Variants in CRYBB1 observed in about 807,000 individuals in gnomAD.
CRYBB1 encodes the protein beta-crystallin B1.
Under a neutral mutation model 29.5 loss-of-function variants are expected in CRYBB1, and 16 were observed. The observed-to-expected ratio is 0.54, with a 90% CI of 0.37 to 0.82. CRYBB1 has a LOEUF of 0.82. Among genes scored for constraint, CRYBB1 ranks in the 40% least tolerant of loss-of-function variants. CRYBB1 has a pLI of 0.00. For synonymous variants in CRYBB1, 127 were observed against 136.7 expected (o/e 0.93, Z 0.49); for missense variants, 300 against 350.5 (o/e 0.86, Z 1.15).
intron 4 of CRYBB1, among the ~76,000 whole-genome samples, chr22:26,606,019 T>G (rs887662521): frequency 1.3e-5 from 2 of 152,232 alleles, no homozygotes; most frequent in Non-Finnish European, 2.9e-5. Flanking sequence ...AGATTTTTTT[T>G]GCAATTGTTT....
At chr22:26,608,643 T>C (rs576861795) in intron 3 of CRYBB1, among the ~76,000 whole-genome samples, 1 of 152,340 alleles carries the variant, frequency 6.6e-6, no homozygotes, top group Non-Finnish European at 1.5e-5. Flanking sequence ...AGGGTTCTTT[T>C]AAAATGTGTT....
At chr22:26,604,330 G>T (rs975467025) in intron 4 of CRYBB1, among the ~76,000 whole-genome samples, 1 of 152,334 alleles carries the variant, frequency 6.6e-6, no homozygotes, top group Non-Finnish European at 1.5e-5. Context: ...TATGTAAAAG[G>T]CAGGTAATAT....
chr22:26,599,480 A>AGGT lies in CRYBB1; in HGVS notation c.*7_*9dup. 1 of 1,604,114 alleles carries AGGT rather than the reference A, an allele frequency of 6.2e-7. No homozygotes were observed. Among genetic ancestry groups the AGGT allele is most frequent in the African/African-American group, 1.3e-5 (1 of 74,838 alleles). ...AGGGTTGGGGCAAGGTAGCAGAGTG[A>AGGT]GGTGTGGACTCACTTGGGGGGCTCT... On this transcript the variant is annotated 3_prime_UTR_variant, in exon 6 of 6. Coordinates refer to ENST00000647684, the MANE Select transcript of CRYBB1 (RefSeq NM_001887.4).
intron 2 of CRYBB1, among the ~76,000 whole-genome samples, chr22:26,612,449 G>A (rs557296847): frequency 2.0e-5 from 3 of 152,062 alleles, no homozygotes; most frequent in Non-Finnish European, 4.4e-5. Flanking sequence ...TGCAACCTCC[G>A]CCTCCCAGGC....
chr22:26,609,481 G>C (rs1264409286), intron 3 of CRYBB1, among the ~76,000 whole-genome samples: 1 of 152,096 alleles, frequency 6.6e-6, no homozygotes, highest in African/African-American at 2.4e-5. Context: ...TGGATGCATG[G>C]ATAAAGGGAT....
In CRYBB1 at chr22:26,601,973, C is replaced by T. The variant is rs749567385; in HGVS notation, c.481G>A (p.Gly161Ser). 5.6e-6 allele frequency: 9 copies of T among 1,613,582 alleles called. No individual in the cohort carries two copies. Among genetic ancestry groups the T allele is most frequent in the Non-Finnish European group, 6.8e-6 (8 of 1,179,914 alleles). ...TCCCCCTGGATCTCTATGGTGTTGC[C>T]CTTGAAGTTGGCCCCTTCAAACAGG... ...ISLFEGANFK[G>S]NTIEIQGDDA... Residue 161 changes from glycine (G) to serine (S), a missense_variant, in exon 5 of 6, where the codon GGC becomes AGC. Gly to Ser is a moderately conservative substitution (Grantham distance 56). Coordinates refer to ENST00000647684, the MANE Select transcript of CRYBB1 (RefSeq NM_001887.4).
chr22:26,611,969 G>C (rs766375559), intron 3 of CRYBB1, 103 bp downstream of exon 3: 3 of 839,524 alleles, frequency 3.6e-6, no homozygotes, highest in Non-Finnish European at 6.2e-6. Context: ...CCAGGAGTAC[G>C]AACGGCCGCA....
Position 26,615,152 on chromosome 22 carries a change from G to A in CRYBB1, c.180+988C>T, listed in dbSNP as rs1478832776. Among the ~76,000 whole-genome samples, 6 of 152,314 alleles carry A rather than the reference G, an allele frequency of 3.9e-5. No homozygotes were observed. In the East Asian group the frequency reaches 7.7e-4, roughly 20 times the overall value. On this transcript the variant is annotated intron_variant, in intron 2 of 5. Coordinates refer to ENST00000647684, the MANE Select transcript of CRYBB1 (RefSeq NM_001887.4). The stretch of plus-strand genomic sequence containing the variant: ...TGCCACGCACTGACCACATGAGAGC[G>A]TGTCATGAACTAGGGGTTGCAAAAT...
intron 4 of CRYBB1, among the ~76,000 whole-genome samples, chr22:26,605,956 A>G (rs545546300): frequency 6.6e-6 from 1 of 152,326 alleles, no homozygotes; most frequent in South Asian, 2.1e-4. Context: ...GTGGCTCAGG[A>G]TGGCTTTGAA....
At chr22:26,601,321 G>T (rs1209510240) in intron 5 of CRYBB1, among the ~76,000 whole-genome samples, 1 of 152,114 alleles carries the variant, frequency 6.6e-6, no homozygotes, top group Non-Finnish European at 1.5e-5. Flanking sequence ...GATAGCTTCA[G>T]ATCCTGAGCG....
chr22:26,607,046 G>A (rs1421203306), intron 4 of CRYBB1, among the ~76,000 whole-genome samples: 1 of 110,992 alleles, frequency 9.0e-6, no homozygotes, highest in East Asian at 2.7e-4. Context: ...TTTTTGAGAT[G>A]GAGTCTGGCA....
Position 26,616,204 on chromosome 22 carries a change from A to G in CRYBB1, c.116T>C (p.Leu39Pro). 6.2e-7 allele frequency: 1 copy of G among 1,613,782 alleles called. No homozygotes were observed. The highest frequency in any genetic ancestry group is 8.5e-7 in the Non-Finnish European group (1 of 1,179,804). ...GGTAATAGGCACGGTTGTTGGGGCCAGGGTAGTGCCGGGACTAGGGGATGT... is the reference window on the plus strand; with the variant it reads ...GGTAATAGGCACGGTTGTTGGGGCCGGGGTAGTGCCGGGACTAGGGGATGT... ...AGTSPSPGTT[L>P]APTTVPITSA... Residue 39 changes from leucine (L) to proline (P), a missense_variant, in exon 2 of 6, where the codon CTG becomes CCG. Leu to Pro is a moderately conservative substitution (Grantham distance 98). Transcript: ENST00000647684.
rs751540413 is a variant in CRYBB1 at position 26,607,917 on chromosome 22, C to T, written c.404G>A (p.Arg135Gln). ...NTWSSSYRSD[R>Q]LMSFRPIKMD... ...TTTGATGGGCCGGAAGGACATGAGC[C>T]GATCACTGCGGTAGCTGCTCGACCA... The change falls in exon 4 of 6, where the codon CGG becomes CAG. Residue 135 changes from arginine (R) to glutamine (Q), a missense_variant. By Grantham distance (43) the Arg-to-Gln change is conservative. Coordinates refer to ENST00000647684, the MANE Select transcript of CRYBB1 (RefSeq NM_001887.4). The T allele has an allele frequency of 1.9e-6, 3 of 1,614,202 alleles. No individual in the cohort carries two copies. The highest frequency in any genetic ancestry group is 1.7e-6 in the Non-Finnish European group (2 of 1,180,044).
chr22:26,610,308 C>T (rs1289031028), intron 3 of CRYBB1, among the ~76,000 whole-genome samples: 1 of 152,126 alleles, frequency 6.6e-6, no homozygotes, highest in African/African-American at 2.4e-5. Context: ...AGGCAGGCCT[C>T]CTCACTTTCC....
rs1929338133 is a variant in CRYBB1 at position 26,615,995 on chromosome 22, G to A, written c.180+145C>T. ...AAGAAAAGGGAGAGTAAATAGAAAG[G>A]AGAGAAAATAAGCCAAGAAAAAGGA... On this transcript the variant is annotated intron_variant, in intron 2 of 5. Transcript: ENST00000647684. 5.5e-6 allele frequency: 4 copies of A among 723,906 alleles called. No homozygotes were observed. In the Admixed American group the frequency reaches 6.1e-5, roughly 11 times the overall value. The allele number at this position is 723,906 out of a possible 1,614,324, so 44.8% of individuals were successfully genotyped here.
At chr22:26,613,604 A>G (rs1000612265) in intron 2 of CRYBB1, among the ~76,000 whole-genome samples, 11 of 152,202 alleles carry the variant, frequency 7.2e-5, no homozygotes, top group Non-Finnish European at 1.5e-5. Context: ...GTGCTTTCCT[A>G]TGCCTGTCTT....
At chr22:26,608,650 T>G (rs1210714805) in intron 3 of CRYBB1, among the ~76,000 whole-genome samples, 1 of 152,148 alleles carries the variant, frequency 6.6e-6, no homozygotes, top group Non-Finnish European at 1.5e-5. Flanking sequence ...TTTTAAAATG[T>G]GTTTATTTGT....
intron 4 of CRYBB1, among the ~76,000 whole-genome samples, chr22:26,604,156 C>T (rs1928906264): frequency 6.6e-6 from 1 of 151,072 alleles, no homozygotes; most frequent in Non-Finnish European, 1.5e-5. Flanking sequence ...TGATGCCGGA[C>T]CTCAGTGTCT....
chr22:26,605,139 A>G (rs1219988649), intron 4 of CRYBB1, among the ~76,000 whole-genome samples: 1 of 152,124 alleles, frequency 6.6e-6, no homozygotes, highest in Non-Finnish European at 1.5e-5. Flanking sequence ...GGCTTCCCTG[A>G]TGACCCCCTG....
Sources: gnomAD v4.1 joint callset for allele counts (sites outside exome capture counted in the v4.1 genomes callset) on GRCh38, gnomAD v4.1.1 for gene constraint, MANE v1.5 for transcripts, NCBI Gene and HGNC (gene_info 2026-07-23, HGNC 2026-07-21) for gene names.